The following NSD1 variants were observed in gnomAD, a reference collection of about 807,000 sequenced individuals.
The protein encoded by NSD1 is nuclear receptor binding SET domain protein 1.
A neutral mutation model predicts 242.7 loss-of-function variants in NSD1; 26 were observed. That is an observed-to-expected ratio of 0.11 (90% confidence interval 0.08 to 0.15). The LOEUF is 0.15. Ranked by LOEUF, NSD1 falls within the 10% of genes least tolerant of loss-of-function variation. The pLI is 1.00. For missense variants in NSD1, 2,495 were observed against 3,272.8 expected (o/e 0.76, Z 5.80); for synonymous variants, 1,106 against 1,178.1 (o/e 0.94, Z 1.25).
In NSD1 at chr5:177,299,136, T is replaced by C. The variant is rs1199648617; in HGVS notation, c.*3677T>C. 1 of 233,250 alleles carries C rather than the reference T, an allele frequency of 4.3e-6. No homozygotes were observed. Among genetic ancestry groups the C allele is most frequent in the East Asian group, 6.0e-5 (1 of 16,588 alleles). The allele number at this position is 233,250 out of a possible 1,614,324, so 14.4% of individuals were successfully genotyped here. A position where few individuals can be genotyped will look rare whatever the true frequency, so the allele number is the denominator to read the frequency against. ...AGTGCAACAGGGCCAGAGGCTGCTATAGTGTAAATTGAAATAAGAATAGAT... is the reference window on the plus strand; with the variant it reads ...AGTGCAACAGGGCCAGAGGCTGCTACAGTGTAAATTGAAATAAGAATAGAT... On this transcript the variant is annotated 3_prime_UTR_variant, in exon 23 of 23. Transcript: ENST00000439151.
chr5:177,216,744 A>G (rs1413133828), intron 5 of NSD1, among the ~76,000 whole-genome samples: 2 of 149,230 alleles, frequency 1.3e-5, no homozygotes, highest in East Asian at 3.9e-4. Context: ...CTGTTCTTGA[A>G]TTCCTGGGCT....
chr5:177,237,824 C>T (rs371965568), intron 6 of NSD1, among the ~76,000 whole-genome samples: 4 of 152,138 alleles, frequency 2.6e-5, no homozygotes, highest in Non-Finnish European at 5.9e-5. Context: ...TGAGCCACCA[C>T]GCCCAGCCTA....
In NSD1 at chr5:177,225,431, C is replaced by T. The variant is rs1764562054; in HGVS notation, c.3797-10390C>T. On this transcript the variant is annotated intron_variant, in intron 5 of 22. Coordinates refer to ENST00000439151, the MANE Select transcript of NSD1 (RefSeq NM_022455.5). ...GTGCTGGGATTACAGGTGTGAGCCG[C>T]CGTGCCCAGCCGTCTTAGTCTAGTT... Among the ~76,000 whole-genome samples, 3 of 152,174 alleles carry T rather than the reference C, an allele frequency of 2.0e-5. No homozygotes were observed. In the South Asian group the frequency reaches 6.2e-4, roughly 31 times the overall value.
At chr5:177,204,084 T>G in intron 3 of NSD1, 36 bp from the exon 4 acceptor site, 4 of 1,597,906 alleles carry the variant, frequency 2.5e-6, no homozygotes, top group Non-Finnish European at 3.4e-6. Flanking sequence ...GTAATTTCTT[T>G]GATCTAATGA....
intron 17 of NSD1, among the ~76,000 whole-genome samples, chr5:177,279,656 T>C (rs1197042829): frequency 8.8e-6 from 1 of 113,040 alleles, no homozygotes; most frequent in Non-Finnish European, 1.7e-5. Context: ...AGTCTCGCCC[T>C]GTCACCCAGG....
intron 14 of NSD1, chr5:177,265,416 T>A (rs1304123858): frequency 6.6e-6 from 4 of 603,766 alleles, no homozygotes; most frequent in Non-Finnish European, 1.2e-5. Context: ...ACATAAGTTA[T>A]GAAAAACAGT....
intron 14 of NSD1, among the ~76,000 whole-genome samples, chr5:177,261,839 A>AT (rs1179767042): frequency 1.3e-5 from 2 of 152,072 alleles, no homozygotes; most frequent in Non-Finnish European, 2.9e-5. Context: ...CTTGGCAATA[A>AT]TTTTTTTATT....
At chr5:177,189,028 G>C (rs1295399378) in intron 2 of NSD1, among the ~76,000 whole-genome samples, 1 of 152,086 alleles carries the variant, frequency 6.6e-6, no homozygotes, top group Non-Finnish European at 1.5e-5. Flanking sequence ...GGGAGGCAGA[G>C]TGAGAACCTG....
chr5:177,228,192 G>C (rs940868971), intron 5 of NSD1, among the ~76,000 whole-genome samples: 12 of 151,996 alleles, frequency 7.9e-5, no homozygotes, highest in Admixed American at 2.0e-4. Context: ...GGGGCAGAGA[G>C]GGAGAGAGAG....
chr5:177,264,772 A>G, intron 14 of NSD1: 2 of 740,200 alleles, frequency 2.7e-6, no homozygotes, highest in Admixed American at 1.7e-5. Flanking sequence ...CAAAATGACA[A>G]ACACAAAGGG....
At chr5:177,207,244 G>A (rs751812135) in intron 4 of NSD1, among the ~76,000 whole-genome samples, 19 of 151,356 alleles carry the variant, frequency 1.3e-4, no homozygotes, top group Non-Finnish European at 2.2e-4. Context: ...CACTGTGCCC[G>A]GCCTCGTTAC....
chr5:177,257,577 G>T lies in NSD1; in HGVS notation c.4966+426G>T, dbSNP rs1024617210. ...CAATCAATCCACCATGTCACTTTAT[G>T]GCCTCTCTCTAGCTTTTATCAGAGA... is the stretch of plus-strand genomic sequence containing the variant. On this transcript the variant is annotated intron_variant, in intron 13 of 22. Transcript: ENST00000439151. 3.9e-5 allele frequency among the ~76,000 whole-genome samples: 6 copies of T among 152,102 alleles called. No homozygotes were observed. In the South Asian group the frequency reaches 1.2e-3, roughly 32 times the overall value.
At chr5:177,230,949 G>T (rs1158739194) in intron 5 of NSD1, among the ~76,000 whole-genome samples, 1 of 152,142 alleles carries the variant, frequency 6.6e-6, no homozygotes, top group Non-Finnish European at 1.5e-5. Context: ...GATGGATGGG[G>T]ATAAAGGGGC....
chr5:177,213,992 A>G (rs922348715), intron 5 of NSD1, among the ~76,000 whole-genome samples: 1 of 150,984 alleles, frequency 6.6e-6, no homozygotes. Flanking sequence ...TTTTTTTGAG[A>G]TAGGGTCTGG....
At chr5:177,146,962 G>A (rs1267477359) in intron 2 of NSD1, among the ~76,000 whole-genome samples, 3 of 151,170 alleles carry the variant, frequency 2.0e-5, no homozygotes, top group Non-Finnish European at 4.4e-5. Context: ...AGCTGAGATC[G>A]CGCCGCTGCA....
Position 177,282,572 on chromosome 5 carries a change from C to G in NSD1, c.6000C>G (p.Thr2000=), listed in dbSNP as rs1312463450. ...EHDITNFYML[T]LDKDRIIDAG... is the part of the protein sequence containing the mutation. ...ATATCACTAATTTCTATATGCTCAC[C>G]CTAGACAAAGTAAGTAATGGGAAAT... Residue 2000 remains threonine, a synonymous_variant, in exon 19 of 23, where the codon ACC becomes ACG. Coordinates refer to ENST00000439151, the MANE Select transcript of NSD1 (RefSeq NM_022455.5). 1 of 1,597,794 alleles carries G rather than the reference C, an allele frequency of 6.3e-7. No individual in the cohort carries two copies. The highest frequency in any genetic ancestry group is 2.2e-5 in the East Asian group (1 of 44,772).
In NSD1 at chr5:177,235,847, A is replaced by G; in HGVS notation, c.3823A>G (p.Arg1275Gly). 1 of 1,614,084 alleles carries G rather than the reference A, an allele frequency of 6.2e-7. No individual in the cohort carries two copies. The highest frequency in any genetic ancestry group is 1.1e-5 in the South Asian group (1 of 91,084). Reference protein sequence around the residue: ...PAVRSEKKRLRKPSKWLLEYT... With the variant: ...PAVRSEKKRLGKPSKWLLEYT... ...TGTGCGGTCAGAGAAGAAACGCCTT[A>G]GGAAGCCAAGCAAGTGGCTTTTGGA... Residue 1275 changes from arginine to glycine, a missense_variant, in exon 6 of 23, where the codon AGG becomes GGG. Arg to Gly is a moderately radical substitution (Grantham distance 125, BLOSUM62 -2). This residue lies in a region of NSD1 where 426 missense variants were observed against 411.4 expected (regional missense o/e 1.04). Coordinates refer to ENST00000439151, the MANE Select transcript of NSD1 (RefSeq NM_022455.5).
At chr5:177,164,392 G>T (rs1371549287) in intron 2 of NSD1, among the ~76,000 whole-genome samples, 12 of 151,882 alleles carry the variant, frequency 7.9e-5, no homozygotes, top group Admixed American at 6.6e-4. Flanking sequence ...CCTGACCTCA[G>T]GTGATCCGCC....
At chr5:177,138,934 C>T (rs1485790549) in intron 2 of NSD1, among the ~76,000 whole-genome samples, 2 of 150,030 alleles carry the variant, frequency 1.3e-5, no homozygotes, top group South Asian at 2.1e-4. Flanking sequence ...CCACGGAGCC[C>T]GGCCTCAGAC....
Sources: allele counts gnomAD v4.1 joint callset (sites outside exome capture counted in the v4.1 genomes callset), GRCh38; gene constraint gnomAD v4.1.1; regional missense constraint gnomAD v4.1.1; transcripts MANE v1.5; gene names NCBI Gene and HGNC (gene_info 2026-07-23, HGNC 2026-07-21).